The following DCDC1 variants were observed in gnomAD, a reference collection of about 807,000 sequenced individuals.
DCDC1 encodes the protein doublecortin domain-containing protein 1.
DCDC1 carries 200 observed loss-of-function variants against 178.3 expected under a neutral mutation model. That is an observed-to-expected ratio of 1.12 (90% confidence interval 1.00 to 1.26). The LOEUF (loss-of-function observed/expected upper bound fraction) is 1.26, where lower values mean the gene tolerates loss of function less well. DCDC1 is among the 50% of genes most tolerant of loss of function. The pLI is 0.00. For missense variants in DCDC1, 1,983 were observed against 1,749.2 expected (o/e 1.13, Z -2.38); for synonymous variants, 690 against 604.8 (o/e 1.14, Z -2.07).
chr11:30,998,780 A>G (rs1395572680), intron 20 of DCDC1, among the ~76,000 whole-genome samples: 3 of 152,160 alleles, frequency 2.0e-5, no homozygotes, highest in African/African-American at 7.2e-5. Flanking sequence ...CTAGGAGGTA[A>G]GAGCTTAATT....
rs566129846 is a variant in DCDC1, at chr11:31,255,346, C to T, written c.1054+10161G>A. Among the ~76,000 whole-genome samples, 5 of 152,128 alleles carry T rather than the reference C, an allele frequency of 3.3e-5. No individual in the cohort carries two copies. The South Asian group carries it at 1.0e-3, about 32-fold the overall frequency. ...GGAATTGCAGGGCCATGTGGTAATT[C>T]TGTGTTTTTCTCTTGGAAGACTCAT... On this transcript the variant is annotated intron_variant, in intron 8 of 38. Transcript: ENST00000684477.
At chr11:31,170,809 C>A (rs1190500885) in intron 9 of DCDC1, among the ~76,000 whole-genome samples, 1 of 151,942 alleles carries the variant, frequency 6.6e-6, no homozygotes, top group Non-Finnish European at 1.5e-5. Context: ...GGAAGATCAG[C>A]TTTTTTATTT....
At chr11:31,242,299 C>A (rs767766130) in intron 8 of DCDC1, among the ~76,000 whole-genome samples, 7 of 151,938 alleles carry the variant, frequency 4.6e-5, no homozygotes, top group Middle Eastern at 3.2e-3. Context: ...GTATGTACTG[C>A]AACATCCATA....
chr11:31,203,562 G>A (rs988046392), intron 9 of DCDC1, among the ~76,000 whole-genome samples: 1 of 152,084 alleles, frequency 6.6e-6, no homozygotes, highest in Non-Finnish European at 1.5e-5. Flanking sequence ...ACTACCCAGG[G>A]GCTCCCCTGT....
chr11:30,918,587 G>A (rs1301798152), intron 25 of DCDC1, among the ~76,000 whole-genome samples: 1 of 152,152 alleles, frequency 6.6e-6, no homozygotes, highest in Non-Finnish European at 1.5e-5. Context: ...TTTGAATTGA[G>A]ACAAAGACAA....
chr11:31,051,361 C>T (rs1955234218), intron 20 of DCDC1, among the ~76,000 whole-genome samples: 1 of 152,084 alleles, frequency 6.6e-6, no homozygotes, highest in Admixed American at 6.6e-5. Context: ...ATTGGTGTAC[C>T]TGAGGAAGAA....
At chr11:31,229,231 A>G (rs1376437830) in intron 9 of DCDC1, among the ~76,000 whole-genome samples, 2 of 152,128 alleles carry the variant, frequency 1.3e-5, no homozygotes, top group African/African-American at 4.8e-5. Context: ...AGGAAGAAAT[A>G]CATCTCAACT....
At chr11:31,343,889 C>A (rs1000704180) in intron 1 of DCDC1, among the ~76,000 whole-genome samples, 1 of 151,744 alleles carries the variant, frequency 6.6e-6, no homozygotes, top group Non-Finnish European at 1.5e-5. Context: ...CACTGCACTC[C>A]AGCCTGGGCA....
chr11:31,361,456 C>T (rs1591862969), intron 1 of DCDC1, among the ~76,000 whole-genome samples: 1 of 152,090 alleles, frequency 6.6e-6, no homozygotes, highest in Non-Finnish European at 1.5e-5. Context: ...AACTAATTTA[C>T]GTTAGTAAAA....
chr11:31,224,441 C>T (rs1974663299), intron 9 of DCDC1, among the ~76,000 whole-genome samples: 1 of 151,942 alleles, frequency 6.6e-6, no homozygotes, highest in Non-Finnish European at 1.5e-5. Context: ...CTCTTCTAGA[C>T]ATTGATATGG....
chr11:30,925,312 T>C lies in DCDC1; in HGVS notation c.2994A>G (p.Glu998=), dbSNP rs1946524306. The change falls in exon 23 of 39, where the codon GAA becomes GAG. Residue 998 remains glutamate (E), a synonymous_variant. Transcript: ENST00000684477. ...IFALKDLQRD[E]LVYVSCGELW... is the part of the protein sequence containing the mutation. ...AGTTTCAAATCCATGTCTTTACCAG[T>C]TCATCTCTTTGCAGGTCTTTTAAGG... is the stretch of plus-strand genomic sequence containing the variant. The C allele has an allele frequency of 6.2e-7, 1 of 1,612,886 alleles. No homozygotes were observed. Among genetic ancestry groups the C allele is most frequent in the Admixed American group, 1.7e-5 (1 of 59,956 alleles).
chr11:31,008,756 G>A (rs1305186077), intron 20 of DCDC1, among the ~76,000 whole-genome samples: 2 of 152,146 alleles, frequency 1.3e-5, no homozygotes, highest in Non-Finnish European at 2.9e-5. Context: ...ATCATGAACT[G>A]TATTGCCTGT....
chr11:31,088,993 C>T (rs752913332), intron 17 of DCDC1, among the ~76,000 whole-genome samples: 58 of 152,156 alleles, frequency 3.8e-4, no homozygotes, highest in Non-Finnish European at 7.6e-4. Flanking sequence ...AGCCACCATG[C>T]CAGGCCTAGT....
intron 15 of DCDC1, among the ~76,000 whole-genome samples, chr11:31,101,509 A>C (rs935650023): frequency 3.0e-4 from 46 of 152,326 alleles, no homozygotes; most frequent in Admixed American, 2.6e-3. Flanking sequence ...CAAATAGATC[A>C]GATCCTAAAC....
At position 31,117,791 on chromosome 11, in the gene DCDC1, G is replaced by A. The variant is rs77961238; in HGVS notation, c.1486-7430C>T. ...TGTTTAAAACTTTCCAGAAGACAGTGGCAAAGGAAATTTGCTTGCGTGTCA... is the reference window on the plus strand; with the variant it reads ...TGTTTAAAACTTTCCAGAAGACAGTAGCAAAGGAAATTTGCTTGCGTGTCA... On this transcript the variant is annotated intron_variant, in intron 11 of 38. Coordinates refer to ENST00000684477, the MANE Select transcript of DCDC1 (RefSeq NM_001387274.1). Among the ~76,000 whole-genome samples, 155 of 151,938 alleles carry A rather than the reference G, an allele frequency of 1.0e-3. 1 individual carries two copies. The highest frequency in any genetic ancestry group is 1.5e-3 in the South Asian group (7 of 4,804).
intron 9 of DCDC1, among the ~76,000 whole-genome samples, chr11:31,149,842 C>T (rs552652858): frequency 2.1e-4 from 32 of 152,292 alleles, no homozygotes; most frequent in Admixed American, 1.1e-3. Flanking sequence ...GAACAAACTC[C>T]GGACACACCA....
intron 3 of DCDC1, among the ~76,000 whole-genome samples, chr11:31,310,450 C>T (rs1948707482): frequency 6.6e-6 from 1 of 150,410 alleles, no homozygotes; most frequent in African/African-American, 2.5e-5. Flanking sequence ...TCCTGAGTAG[C>T]TGAGACTACA....
intron 20 of DCDC1, among the ~76,000 whole-genome samples, chr11:30,967,468 A>G (rs1475947704): frequency 2.6e-5 from 4 of 152,214 alleles, no homozygotes; most frequent in Admixed American, 2.0e-4. Flanking sequence ...GTCTCAGGAT[A>G]CAAAATCAAT....
At chr11:30,985,280 G>C (rs72882651) in intron 20 of DCDC1, among the ~76,000 whole-genome samples, 139 of 152,236 alleles carry the variant, frequency 9.1e-4, no homozygotes, top group Admixed American at 2.5e-3. Flanking sequence ...GTGTGAGCAG[G>C]TCCAGGAGAA....
Sources: gnomAD v4.1 joint callset for allele counts (sites outside exome capture counted in the v4.1 genomes callset) on GRCh38, gnomAD v4.1.1 for gene constraint, MANE v1.5 for transcripts, NCBI Gene and HGNC (gene_info 2026-07-23, HGNC 2026-07-21) for gene names.